SLC14A2: variants seen among roughly 807,000 people sequenced by gnomAD.
SLC14A2 encodes the protein solute carrier family 14 member 2, also known as urea transporter 2.
SLC14A2 carries 91 observed loss-of-function variants against 104.6 expected under a neutral mutation model. The ratio of observed to expected loss-of-function variants is 0.87; its 90% CI spans 0.73 to 1.04. The LOEUF (loss-of-function observed/expected upper bound fraction) is 1.04. Ranked by LOEUF, SLC14A2 falls within the 50% of genes least tolerant of loss-of-function variation. SLC14A2 has a pLI of 0.00. For synonymous variants in SLC14A2, 476 were observed against 466.4 expected, an observed-to-expected ratio of 1.02 and a Z score of -0.27; for missense variants, 1,189 against 1,156.0, an observed-to-expected ratio of 1.03 and a Z score of -0.41.
intron 1 of SLC14A2, chr18:45,440,417 C>T (rs1487224744): frequency 3.3e-5 from 5 of 152,176 alleles, no homozygotes; most frequent in Non-Finnish European, 7.3e-5. Flanking sequence ...GTCTGGGTTT[C>T]CTTTCACTCC....
At chr18:45,212,262 G>A (rs2083967923), upstream of SLC14A2, among the ~76,000 whole-genome samples, 1 of 152,156 alleles carries the variant, frequency 6.6e-6, no homozygotes, top group South Asian at 2.1e-4. Flanking sequence ...ATATTCCCTG[G>A]AGTTAATTTG....
chr18:45,581,338 G>C (rs2044488988), intron 2 of SLC14A2, among the ~76,000 whole-genome samples: 1 of 152,196 alleles, frequency 6.6e-6, no homozygotes, highest in Non-Finnish European at 1.5e-5. Context: ...CAGGGTCCTA[G>C]AGAGCAACCC....
intron 1 of SLC14A2, among the ~76,000 whole-genome samples, chr18:45,224,701 T>A (rs1277165746): frequency 6.6e-6 from 1 of 152,204 alleles, no homozygotes; most frequent in East Asian, 1.9e-4. Context: ...GTTGTTCCTA[T>A]ATTTTGGATA....
chr18:45,629,888 C>A (rs1333491022), intron 4 of SLC14A2, among the ~76,000 whole-genome samples: 1 of 152,188 alleles, frequency 6.6e-6, no homozygotes, highest in African/African-American at 2.4e-5. Context: ...AGTGCTCAAT[C>A]AACATCACAT....
chr18:45,228,872 C>A (rs1486385151), intron 1 of SLC14A2, among the ~76,000 whole-genome samples: 1 of 152,140 alleles, frequency 6.6e-6, no homozygotes. Flanking sequence ...GCTGTCTCAC[C>A]TGAACCTCAT....
chr18:45,509,851 C>T (rs1456868838), intron 2 of SLC14A2, among the ~76,000 whole-genome samples: 1 of 152,194 alleles, frequency 6.6e-6, no homozygotes, highest in Non-Finnish European at 1.5e-5. Flanking sequence ...TTCTGTAGGT[C>T]ACGGACTGGA....
chr18:45,179,543 G>C, the SLC14A2 span, among the ~76,000 whole-genome samples: 1 of 152,152 alleles, frequency 6.6e-6, no homozygotes, highest in Non-Finnish European at 1.5e-5. Context: ...ATTGTAAGAA[G>C]AATAAAGATT....
intron 1 of SLC14A2, among the ~76,000 whole-genome samples, chr18:45,222,686 C>T (rs1312234338): frequency 7.5e-6 from 1 of 134,226 alleles, no homozygotes; most frequent in Non-Finnish European, 1.6e-5. Flanking sequence ...TCATTCAGGT[C>T]TGCAAAAGAT....
At chr18:45,235,279 A>G (rs2084213615) in intron 1 of SLC14A2, among the ~76,000 whole-genome samples, 1 of 152,114 alleles carries the variant, frequency 6.6e-6, no homozygotes, top group Admixed American at 6.5e-5. Flanking sequence ...AAAATGCTTT[A>G]TTTTTATTAT....
chr18:45,341,115 T>C (rs548545324), intron 1 of SLC14A2, among the ~76,000 whole-genome samples: 19 of 152,336 alleles, frequency 1.2e-4, no homozygotes, highest in African/African-American at 4.1e-4. Context: ...ACCAAGATTG[T>C]GGTTTATTTT....
intron 1 of SLC14A2, among the ~76,000 whole-genome samples, chr18:45,222,024 A>G (rs1477872167): frequency 2.0e-5 from 3 of 152,204 alleles, no homozygotes; most frequent in Non-Finnish European, 2.9e-5. Context: ...TCAGAAGTCC[A>G]TTAAGATACA....
At chr18:45,513,966 A>C (rs1212450502) in intron 2 of SLC14A2, among the ~76,000 whole-genome samples, 1 of 152,138 alleles carries the variant, frequency 6.6e-6, no homozygotes, top group African/African-American at 2.4e-5. Context: ...CATTCATGTT[A>C]ATTTTCAGGT....
Position 45,463,120 on chromosome 18 carries a change from C to T in SLC14A2, c.-124-20113C>T, listed in dbSNP as rs369554123. Among the ~76,000 whole-genome samples, 5 of 152,298 alleles carry T rather than the reference C, an allele frequency of 3.3e-5. No homozygotes were observed. The East Asian group carries it at 9.7e-4, about 29-fold the overall frequency. ...ACGCAATAACCAGTTCCATCTTCTC[C>T]TACTCACATGGTGGCTCTGCTGTCC... On this transcript the variant is annotated intron_variant, in intron 1 of 20. Coordinates refer to the SLC14A2 transcript ENST00000586448.
intron 9 of SLC14A2, among the ~76,000 whole-genome samples, chr18:45,643,405 C>T (rs568306133): frequency 3.9e-5 from 6 of 152,232 alleles, no homozygotes; most frequent in East Asian, 3.9e-4. Context: ...TGAAAGATTG[C>T]AATGTAACTA....
At chr18:45,669,627 A>C in intron 16 of SLC14A2, 129 bp downstream of exon 16, 1 of 739,780 alleles carries the variant, frequency 1.4e-6, no homozygotes, top group East Asian at 2.8e-5. Context: ...AGCATTCTAC[A>C]TATATATCTC....
chr18:45,255,769 A>T (rs546435573), intron 1 of SLC14A2, among the ~76,000 whole-genome samples: 1 of 152,040 alleles, frequency 6.6e-6, no homozygotes, highest in East Asian at 1.9e-4. Context: ...GCAGGGGGAA[A>T]ATATATATAT....
chr18:45,168,615 C>T, the SLC14A2 span: 1 of 152,060 alleles, frequency 6.6e-6, no homozygotes, highest in East Asian at 1.9e-4. Context: ...GTACATGAGC[C>T]TTTATATCTT....
chr18:45,465,542 G>C (rs4890545), intron 1 of SLC14A2, among the ~76,000 whole-genome samples: 19,892 of 152,016 alleles, frequency 0.13, 1,760 homozygotes, highest in Admixed American at 0.23. Flanking sequence ...TGTCATCCCA[G>C]ACCTGGGCCC....
At chr18:45,456,951 C>T (rs1393639500) in intron 1 of SLC14A2, among the ~76,000 whole-genome samples, 2 of 151,978 alleles carry the variant, frequency 1.3e-5, no homozygotes, top group Non-Finnish European at 2.9e-5. Context: ...CAAGATGTGC[C>T]TGGAGGGACG....
Sources: allele counts gnomAD v4.1 joint callset (sites outside exome capture counted in the v4.1 genomes callset), GRCh38; gene constraint gnomAD v4.1.1; transcripts MANE v1.5; gene names NCBI Gene and HGNC (gene_info 2026-07-23, HGNC 2026-07-21).